UTRN: variants seen among roughly 807,000 people sequenced by gnomAD.
UTRN encodes the protein dystrophin-related protein 1.
UTRN carries 283 observed loss-of-function variants against 463.9 expected under a neutral mutation model. That is an observed-to-expected ratio of 0.61 (90% confidence interval 0.55 to 0.67). The LOEUF is 0.67. Among genes scored for constraint, UTRN ranks in the 30% least tolerant of loss-of-function variants. UTRN has a pLI of 0.00. For missense variants in UTRN, 3,922 were observed against 4,084.3 expected (o/e 0.96, Z 1.08); for synonymous variants, 1,442 against 1,431.5 (o/e 1.01, Z -0.17).
At chr6:144,801,553 C>G (rs1055232859) in intron 64 of UTRN, among the ~76,000 whole-genome samples, 3 of 151,584 alleles carry the variant, frequency 2.0e-5, no homozygotes, top group Non-Finnish European at 4.4e-5. Flanking sequence ...TTTCATTTTC[C>G]CCGAACTTTT....
At chr6:144,767,978 G>A (rs9497074) in intron 58 of UTRN, among the ~76,000 whole-genome samples, 2,518 of 152,216 alleles carry the variant, frequency 0.017, 66 homozygotes, top group African/African-American at 0.057. Context: ...GAAACAAGTT[G>A]CCTTCTGATC....
At chr6:144,351,441 T>C (rs1054180545) in intron 2 of UTRN, among the ~76,000 whole-genome samples, 3 of 152,212 alleles carry the variant, frequency 2.0e-5, no homozygotes, top group Non-Finnish European at 4.4e-5. Flanking sequence ...TTGGGTTCAT[T>C]TAACCACAGA....
intron 51 of UTRN, among the ~76,000 whole-genome samples, chr6:144,621,861 T>G (rs561818535): frequency 1.5e-4 from 23 of 152,252 alleles, no homozygotes; most frequent in African/African-American, 5.3e-4. Context: ...TCCTACGCCT[T>G]CTCTTTTTTC....
At position 144,823,259 on chromosome 6, in the gene UTRN, A is replaced by G. The variant is rs560356061; in HGVS notation, c.9494+2241A>G. ...TCCTTTTTGGACAGATTTATGAACTACTAGATATAGTGGGCAGGTTTTCTT... is the reference window on the plus strand; with the variant it reads ...TCCTTTTTGGACAGATTTATGAACTGCTAGATATAGTGGGCAGGTTTTCTT... On this transcript the variant is annotated intron_variant, in intron 66 of 74. Coordinates refer to ENST00000367545, the MANE Select transcript of UTRN (RefSeq NM_007124.3). 3.9e-5 allele frequency among the ~76,000 whole-genome samples: 6 copies of G among 152,262 alleles called. No homozygotes were observed. The South Asian group carries it at 1.0e-3, about 26-fold the overall frequency.
At chr6:144,669,728 T>C (rs1780799231) in intron 51 of UTRN, among the ~76,000 whole-genome samples, 2 of 152,110 alleles carry the variant, frequency 1.3e-5, no homozygotes, top group Admixed American at 1.3e-4. Flanking sequence ...CTTTTATCCC[T>C]CACCCCACCT....
intron 27 of UTRN, 75 bp from the exon 28 acceptor site, chr6:144,485,310 A>T: frequency 6.4e-7 from 1 of 1,562,550 alleles, no homozygotes; most frequent in Non-Finnish European, 8.7e-7. Flanking sequence ...ATTAGCGATT[A>T]AAGAGAATGT....
chr6:144,527,932 G>A lies in UTRN; in HGVS notation c.5907-3120G>A, dbSNP rs564009889. Among the ~76,000 whole-genome samples, 6 of 151,860 alleles carry A rather than the reference G, an allele frequency of 4.0e-5. 1 individual carries two copies. In the South Asian group the frequency reaches 1.0e-3, roughly 26 times the overall value. On this transcript the variant is annotated intron_variant, in intron 41 of 74. Coordinates refer to ENST00000367545, the MANE Select transcript of UTRN (RefSeq NM_007124.3). The stretch of plus-strand genomic sequence containing the variant: ...TTAAGTTGGACTTCACCTTTCACTG[G>A]TGTGTCCTTGATTGGTTTAATAATC...
At chr6:144,777,320 A>G (rs1775415630) in intron 60 of UTRN, among the ~76,000 whole-genome samples, 1 of 152,250 alleles carries the variant, frequency 6.6e-6, no homozygotes, top group South Asian at 2.1e-4. Context: ...AACATGATTT[A>G]ATCTTAGAAC....
chr6:144,586,698 T>G (rs765836278), intron 51 of UTRN, among the ~76,000 whole-genome samples: 2 of 152,160 alleles, frequency 1.3e-5, no homozygotes, highest in African/African-American at 2.4e-5. Context: ...ATTTTTTTCT[T>G]AGTGCCAATT....
At chr6:144,667,683 G>A (rs566635934) in intron 51 of UTRN, among the ~76,000 whole-genome samples, 1 of 152,146 alleles carries the variant, frequency 6.6e-6, no homozygotes, top group Non-Finnish European at 1.5e-5. Context: ...CACAAAAATA[G>A]AACAGTTGTA....
At chr6:144,730,524 G>T (rs781521321) in intron 54 of UTRN, 38 bp downstream of exon 54, 5 of 1,524,680 alleles carry the variant, frequency 3.3e-6, no homozygotes, top group Non-Finnish European at 4.4e-6. Flanking sequence ...AAAAACACAT[G>T]CTAGGAGAAC....
chr6:144,438,749 C>A lies in UTRN; in HGVS notation c.1246C>A (p.His416Asn). The A allele has an allele frequency of 6.2e-7, 1 of 1,614,124 alleles. No homozygotes were observed. Reference sequence around the variant, plus strand: ...TGCTGTGTTCCCCACGGACAGGCTGCACGATGTGCTGATGGAACTGCAGAA... The same window carrying A: ...TGCTGTGTTCCCCACGGACAGGCTGAACGATGTGCTGATGGAACTGCAGAA... ...VESMDRQSRL[H>N]DVLMELQKKQ... Residue 416 changes from histidine (H) to asparagine (N), a missense_variant, in exon 12 of 75, where the codon CAC becomes AAC. Transcript: ENST00000367545.
At chr6:144,758,782 T>C (rs2128726655) in intron 58 of UTRN, among the ~76,000 whole-genome samples, 1 of 152,246 alleles carries the variant, frequency 6.6e-6, no homozygotes, top group African/African-American at 2.4e-5. Context: ...TGATGAGTCA[T>C]AGTTGACCCT....
At chr6:144,377,819 G>T (rs994716135) in intron 2 of UTRN, among the ~76,000 whole-genome samples, 36 of 152,104 alleles carry the variant, frequency 2.4e-4, no homozygotes, top group East Asian at 3.9e-4. Flanking sequence ...AGTATTTCTT[G>T]GTTCTTCCAT....
intron 3 of UTRN, among the ~76,000 whole-genome samples, chr6:144,410,794 A>T (rs1011459166): frequency 1.6e-5 from 2 of 123,780 alleles, no homozygotes; most frequent in Admixed American, 1.6e-4. Context: ...CATGGTGTGT[A>T]TATGTGTGTG....
intron 2 of UTRN, among the ~76,000 whole-genome samples, chr6:144,383,799 C>T (rs1008559471): frequency 2.0e-5 from 3 of 152,090 alleles, no homozygotes; most frequent in Admixed American, 2.0e-4. Flanking sequence ...TCTTAAATAC[C>T]ATGTCTAGAG....
chr6:144,788,341 T>C (rs1297026487), intron 61 of UTRN, among the ~76,000 whole-genome samples: 5 of 152,202 alleles, frequency 3.3e-5, no homozygotes, highest in Non-Finnish European at 7.4e-5. Flanking sequence ...TGCTGAATAC[T>C]TAAATACCAA....
At chr6:144,460,219 T>A (rs902568844) in intron 21 of UTRN, among the ~76,000 whole-genome samples, 19 of 152,170 alleles carry the variant, frequency 1.2e-4, no homozygotes, top group Non-Finnish European at 2.5e-4. Flanking sequence ...TGGAATACAC[T>A]TGGTTTTGGA....
rs368716622 is a variant in UTRN at position 144,458,811 on chromosome 6, G to C, written c.2326G>C (p.Val776Leu). 6.2e-7 allele frequency: 1 copy of C among 1,608,248 alleles called. No individual in the cohort carries two copies. Among genetic ancestry groups the C allele is most frequent in the Non-Finnish European group, 8.5e-7 (1 of 1,178,664 alleles). Residue 776 changes from valine (V) to leucine (L), a missense_variant, in exon 20 of 75, where the codon GTT becomes CTT. Transcript: ENST00000367545. ...AGAAATAAAAAATGTTCTGGAGAAGGTTTCATCAGAATGGAAGAATGTATC... is the reference window on the plus strand; with the variant it reads ...AGAAATAAAAAATGTTCTGGAGAAGCTTTCATCAGAATGGAAGAATGTATC... ...TEEIKNVLEK[V>L]SSEWKNVSQH...
Sources: allele counts gnomAD v4.1 joint callset (sites outside exome capture counted in the v4.1 genomes callset), GRCh38; gene constraint gnomAD v4.1.1; transcripts MANE v1.5; gene names NCBI Gene and HGNC (gene_info 2026-07-23, HGNC 2026-07-21).